The following MYOM3 variants were observed in gnomAD, a reference collection of about 807,000 sequenced individuals.
MYOM3 encodes the protein myomesin 3, also known as myomesin-3.
MYOM3 carries 155 observed loss-of-function variants against 191.7 expected under a neutral mutation model. That is an observed-to-expected ratio of 0.81 (90% CI 0.71 to 0.92). The LOEUF is 0.92. Ranked by LOEUF, MYOM3 falls within the 40% of genes least tolerant of loss-of-function variation. MYOM3 has a pLI of 0.00. For synonymous variants in MYOM3, 757 were observed against 762.9 expected (o/e 0.99, Z 0.13); for missense variants, 1,889 against 1,890.6 (o/e 1.00, Z 0.02).
rs1300818769 is a variant in MYOM3, at chr1:24,098,009, C to T, written c.659G>A (p.Cys220Tyr). The change falls in exon 7 of 37, where the codon TGC becomes TAC. Residue 220 changes from cysteine to tyrosine, a missense_variant and splice_region_variant. Physicochemically the swap from Cys to Tyr is radical, Grantham distance 194. Transcript: ENST00000374434. ...GTAAGTTGCTGAGTCCTCAATGGCG[C>T]ATCTGAAAAGGAGAGAGGGAGAAGT... ...YGLLSLEIRR[C>Y]AIEDSATYTV... 2.5e-6 allele frequency: 4 copies of T among 1,608,774 alleles called. No homozygotes were observed. Among genetic ancestry groups the T allele is most frequent in the South Asian group, 2.2e-5 (2 of 90,980 alleles).
At chr1:24,082,744 T>C (rs370031755) in intron 16 of MYOM3, 30 bp from the exon 17 acceptor site, 9 of 1,564,916 alleles carry the variant, frequency 5.8e-6, no homozygotes, top group Non-Finnish European at 6.9e-6. Flanking sequence ...CTTTCATGGA[T>C]GTACAAACAG....
At chr1:24,085,513 C>A (rs1192408819) in intron 15 of MYOM3, among the ~76,000 whole-genome samples, 2 of 152,186 alleles carry the variant, frequency 1.3e-5, no homozygotes, top group Non-Finnish European at 2.9e-5. Context: ...GGCCCCCAAA[C>A]GTTGGACTCA....
chr1:24,063,424 G>A lies in MYOM3; in HGVS notation c.3661+68C>T. 1.3e-6 allele frequency: 2 copies of A among 1,588,212 alleles called. No individual in the cohort carries two copies. Among genetic ancestry groups the A allele is most frequent in the Non-Finnish European group, 1.7e-6 (2 of 1,156,628 alleles). ...CCCACCCCCAATAGCCAAGGCCAGTGTTAGGCTGCTTGGAGGCTGTTGGGC... is the reference window on the plus strand; with the variant it reads ...CCCACCCCCAATAGCCAAGGCCAGTATTAGGCTGCTTGGAGGCTGTTGGGC... On this transcript the variant is annotated intron_variant, in intron 31 of 36. Coordinates refer to ENST00000374434, the MANE Select transcript of MYOM3 (RefSeq NM_152372.4). This position sits in a 1 kb window ranked among gnomAD's most constrained non-coding sequence, Gnocchi z 4.5.
In MYOM3 at chr1:24,111,015, C is replaced by T. The variant is rs1644034131; in HGVS notation, c.-19+1016G>A. Among the ~76,000 whole-genome samples the T allele has an allele frequency of 6.6e-6, 1 of 152,250 alleles. No homozygotes were observed. The highest frequency in any genetic ancestry group is 2.1e-4 in the South Asian group (1 of 4,834). ...CAGCAGGCAGGGGCCTGGCGCTCGT[C>T]CCTGACCTCGGGGCCTCCAGCAACC... On this transcript the variant is annotated intron_variant, in intron 1 of 36. Coordinates refer to ENST00000374434, the MANE Select transcript of MYOM3 (RefSeq NM_152372.4). This position sits in a 1 kb window ranked among gnomAD's most constrained non-coding sequence, Gnocchi z 4.7.
chr1:24,084,724 G>A lies in MYOM3; in HGVS notation c.1799-85C>T. 3.3e-6 allele frequency: 4 copies of A among 1,224,204 alleles called. No homozygotes were observed. The South Asian group carries it at 4.3e-5, about 13-fold the overall frequency. The allele number at this position is 1,224,204 out of a possible 1,614,324, so 75.8% of individuals were successfully genotyped here. On this transcript the variant is annotated intron_variant, in intron 15 of 36. Coordinates refer to ENST00000374434, the MANE Select transcript of MYOM3 (RefSeq NM_152372.4). Reference sequence around the variant, plus strand: ...GGGAAGGGGAGGAGCATGGGGAGAGGCCAGAAGGAGCTCCCACAGCAATCA... The same window carrying A: ...GGGAAGGGGAGGAGCATGGGGAGAGACCAGAAGGAGCTCCCACAGCAATCA...
intron 5 of MYOM3, among the ~76,000 whole-genome samples, chr1:24,100,844 G>GC (rs1643906804): frequency 6.7e-6 from 1 of 149,296 alleles, no homozygotes; most frequent in Non-Finnish European, 1.5e-5. Context: ...CAGAGATCGC[G>GC]CCACTGCACT....
Position 24,108,478 on chromosome 1 carries a change from G to A in MYOM3, c.159C>T (p.Ser53=). The change falls in exon 2 of 37, where the codon AGC becomes AGT. Residue 53 remains serine (S), a splice_region_variant and synonymous_variant. Transcript: ENST00000374434. ...GGCGGGGACCCTGTGGCTCCCACCT[G>A]CTGCGGAAGGTCCGCCTCCGCACAG... ...GSSVRRRTFR[S]SEEEHEFSAA... is the part of the protein sequence containing the mutation. The A allele has an allele frequency of 1.2e-5, 18 of 1,555,372 alleles. No homozygotes were observed. Among genetic ancestry groups the A allele is most frequent in the Non-Finnish European group, 1.6e-5 (18 of 1,149,016 alleles).
chr1:24,089,702 C>A, intron 13 of MYOM3, 37 bp from the exon 14 acceptor site: 1 of 1,538,858 alleles, frequency 6.5e-7, no homozygotes, highest in Non-Finnish European at 8.8e-7. Context: ...GATGGTTGGA[C>A]CCTCAGAGAC....
chr1:24,058,873 C>A lies in MYOM3; in HGVS notation c.4050+51G>T, dbSNP rs767921528. On this transcript the variant is annotated intron_variant, in intron 36 of 36. Coordinates refer to ENST00000374434, the MANE Select transcript of MYOM3 (RefSeq NM_152372.4). ...TGTTTCGTGATCTGTGGTGGATGCA[C>A]GAAGGAACACAGAGGGGGACTGCTG... 5.8e-6 allele frequency: 8 copies of A among 1,383,160 alleles called. No individual in the cohort carries two copies. In the East Asian group the frequency reaches 1.6e-4, roughly 28 times the overall value. 85.7% of individuals were successfully genotyped at this position (1,383,160 alleles called of 1,614,324 possible). A position where few individuals can be genotyped will look rare whatever the true frequency, so the allele number is the denominator to read the frequency against.
chr1:24,108,040 G>C lies in MYOM3; in HGVS notation c.195C>G (p.Tyr65Ter). ...EEEHEFSAAD[Y>*]ALAAALALTA... ...TCAGAGCCAGGGCTGCTGCCAGGGC[G>C]TAGTCCGCGGCGCTGAACTCATGCT... Residue 65 changes from tyrosine (Y) to a stop codon, truncating the protein, a stop_gained, in exon 3 of 37, where the codon TAC becomes TAG. Coordinates refer to ENST00000374434, the MANE Select transcript of MYOM3 (RefSeq NM_152372.4). LOFTEE classifies it high-confidence loss of function. The C allele has an allele frequency of 6.2e-7, 1 of 1,613,714 alleles. No individual in the cohort carries two copies. The highest frequency in any genetic ancestry group is 8.5e-7 in the Non-Finnish European group (1 of 1,179,780).
intron 27 of MYOM3, among the ~76,000 whole-genome samples, chr1:24,067,364 CTT>C (rs1557602430): frequency 1.6e-4 from 19 of 116,580 alleles, no homozygotes; most frequent in East Asian, 2.5e-4. Context: ...TTCTTTCTTT[CTT>C]TCTTTCCTTC....
At chr1:24,067,285 T>TTTCTTTCTTTCTTTCTTTCC (rs1643450202) in intron 27 of MYOM3, among the ~76,000 whole-genome samples, 197 bp from the exon 28 acceptor site, 3 of 99,350 alleles carry the variant, frequency 3.0e-5, no homozygotes, top group African/African-American at 7.6e-5. Context: ...TCTTCCTTCC[T>TTTCTTTCTTTCTTTCTTTCC]TTCTTTCTTT....
intron 23 of MYOM3, 128 bp downstream of exon 23, chr1:24,074,032 T>TG: frequency 1.5e-6 from 1 of 663,318 alleles, no homozygotes; most frequent in Non-Finnish European, 2.7e-6. Context: ...AATGGGTGGG[T>TG]GAGGGCCTAC....
At chr1:24,072,812 G>A (rs1643548605) in intron 23 of MYOM3, among the ~76,000 whole-genome samples, 1 of 152,208 alleles carries the variant, frequency 6.6e-6, no homozygotes, top group African/African-American at 2.4e-5. Flanking sequence ...TGTGATTATA[G>A]GCGTGAGCCA....
chr1:24,101,469 G>A (rs533749698), intron 5 of MYOM3, among the ~76,000 whole-genome samples: 2 of 152,194 alleles, frequency 1.3e-5, no homozygotes, highest in African/African-American at 4.8e-5. Flanking sequence ...TGGTGAGGTC[G>A]TATGTGGTGG....
At chr1:24,073,184 C>A (rs1415854491) in intron 23 of MYOM3, among the ~76,000 whole-genome samples, 1 of 152,142 alleles carries the variant, frequency 6.6e-6, no homozygotes, top group African/African-American at 2.4e-5. Flanking sequence ...AGGAAGGTGG[C>A]ATGACTTGTC....
At chr1:24,106,144 C>T in intron 4 of MYOM3, 67 bp from the exon 5 acceptor site, 1 of 1,491,802 alleles carries the variant, frequency 6.7e-7, no homozygotes, top group South Asian at 1.3e-5. Flanking sequence ...TTTGCCATTA[C>T]CTCCCCACTG....
At chr1:24,072,039 A>C in intron 23 of MYOM3, 26 bp from the exon 24 acceptor site, 1 of 1,613,220 alleles carries the variant, frequency 6.2e-7, no homozygotes, top group East Asian at 2.2e-5. Context: ...GTGAGGAAGA[A>C]ACCAGAGAGA....
intron 35 of MYOM3, 70 bp from the exon 36 acceptor site, chr1:24,059,049 G>T: frequency 9.3e-7 from 1 of 1,073,682 alleles, no homozygotes; most frequent in African/African-American, 1.6e-5. Flanking sequence ...GTTTCATAGA[G>T]TTGAGGTTTA....
Sources: gnomAD v4.1 joint callset for allele counts (sites outside exome capture counted in the v4.1 genomes callset) on GRCh38, gnomAD v4.1.1 for gene constraint, Gnocchi (gnomAD v3.1) non-coding constraint, MANE v1.5 for transcripts, NCBI Gene and HGNC (gene_info 2026-07-23, HGNC 2026-07-21) for gene names.